Variants in MAGI2 observed in about 807,000 individuals in gnomAD.
MAGI2 encodes membrane-associated guanylate kinase, WW and PDZ domain-containing protein 2.
A neutral mutation model predicts 133.3 loss-of-function variants in MAGI2; 35 were observed. That is an observed-to-expected ratio of 0.26 (90% confidence interval 0.20 to 0.35). MAGI2 has a LOEUF of 0.35. Ranked by LOEUF, MAGI2 falls within the 10% of genes least tolerant of loss-of-function variation. The probability of loss-of-function intolerance (pLI) is 1.00; values close to 1 mark genes in which losing one functional copy is unlikely to be tolerated. For missense variants in MAGI2, 1,636 were observed against 1,863.4 expected (o/e 0.88, Z 2.25); for synonymous variants, 729 against 710.6 (o/e 1.03, Z -0.41).
intron 2 of MAGI2, among the ~76,000 whole-genome samples, chr7:78,778,860 T>C (rs926013561): frequency 2.6e-5 from 4 of 151,552 alleles, no homozygotes; most frequent in African/African-American, 9.7e-5. Flanking sequence ...GCACAGAATC[T>C]AGCATATAAT....
chr7:79,021,867 G>A (rs1809362967), intron 1 of MAGI2, among the ~76,000 whole-genome samples: 1 of 152,134 alleles, frequency 6.6e-6, no homozygotes, highest in African/African-American at 2.4e-5. Flanking sequence ...ATCTCATCTT[G>A]AATTGTAAGA....
intron 1 of MAGI2, among the ~76,000 whole-genome samples, chr7:79,243,690 T>G (rs939653610): frequency 2.0e-5 from 3 of 152,240 alleles, no homozygotes; most frequent in Non-Finnish European, 4.4e-5. Context: ...CTGCTGATTT[T>G]GAAATATTTT....
At chr7:79,031,122 C>T (rs948179500) in intron 1 of MAGI2, among the ~76,000 whole-genome samples, 3 of 152,190 alleles carry the variant, frequency 2.0e-5, no homozygotes, top group Non-Finnish European at 4.4e-5. Flanking sequence ...ATCCCTTACT[C>T]TTGTTATCAT....
At position 79,449,962 on chromosome 7, in the gene MAGI2, A is replaced by G. The variant is rs1586028697; in HGVS notation, c.301+3058T>C. 2.0e-5 allele frequency among the ~76,000 whole-genome samples: 3 copies of G among 150,168 alleles called. No homozygotes were observed. In the South Asian group the frequency reaches 6.3e-4, roughly 31 times the overall value. ...CCTTTTAAAATTATGACAGATGAAAATTATGATAACTGTAATGTAAAATTA... is the reference window on the plus strand; with the variant it reads ...CCTTTTAAAATTATGACAGATGAAAGTTATGATAACTGTAATGTAAAATTA... On this transcript the variant is annotated intron_variant, in intron 1 of 21. Transcript: ENST00000354212.
intron 2 of MAGI2, among the ~76,000 whole-genome samples, chr7:78,987,238 A>G (rs1805352398): frequency 6.6e-6 from 1 of 152,058 alleles, no homozygotes; most frequent in African/African-American, 2.4e-5. Flanking sequence ...TGAGACTCAT[A>G]TTAATGAGTT....
chr7:78,202,682 CA>C (rs59358280), intron 10 of MAGI2, among the ~76,000 whole-genome samples: 4,877 of 70,246 alleles, frequency 0.069, 63 homozygotes, highest in Non-Finnish European at 0.085. Context: ...GACTCTGTCT[CA>C]AAAAAAAAAA....
chr7:78,953,947 G>A (rs1168894098), intron 2 of MAGI2, among the ~76,000 whole-genome samples: 1 of 152,110 alleles, frequency 6.6e-6, no homozygotes, highest in Non-Finnish European at 1.5e-5. Context: ...TCATAGTGTT[G>A]AGGGGCTATG....
At chr7:79,443,892 G>A (rs1261876078) in intron 1 of MAGI2, among the ~76,000 whole-genome samples, 1 of 152,100 alleles carries the variant, frequency 6.6e-6, no homozygotes, top group East Asian at 1.9e-4. Context: ...ATTTCACAGA[G>A]TCACTTAATA....
intron 2 of MAGI2, among the ~76,000 whole-genome samples, chr7:78,857,598 G>A (rs1317149574): frequency 6.6e-6 from 1 of 152,186 alleles, no homozygotes; most frequent in East Asian, 1.9e-4. Context: ...TCCCAGGGAT[G>A]AAGCCCACTT....
intron 2 of MAGI2, among the ~76,000 whole-genome samples, chr7:78,945,864 C>T (rs561129721): frequency 1.8e-4 from 27 of 152,262 alleles, no homozygotes; most frequent in South Asian, 4.1e-4. Flanking sequence ...ACTTCATCTT[C>T]GGGATCTTCC....
chr7:79,352,722 T>A (rs940465022), intron 1 of MAGI2, among the ~76,000 whole-genome samples: 4 of 152,120 alleles, frequency 2.6e-5, no homozygotes, highest in Admixed American at 6.5e-5. Context: ...GACAACCTCA[T>A]CCCAACAGAT....
intron 1 of MAGI2, among the ~76,000 whole-genome samples, chr7:79,256,695 G>T (rs1422496643): frequency 2.0e-5 from 3 of 151,802 alleles, no homozygotes; most frequent in Admixed American, 6.6e-5. Context: ...TCGCCGTGCT[G>T]CCTAAGGCTA....
intron 2 of MAGI2, among the ~76,000 whole-genome samples, chr7:78,687,969 T>TAAAAA (rs72030909): frequency 1.2e-3 from 84 of 67,218 alleles, no homozygotes; most frequent in Non-Finnish European, 1.5e-3. Flanking sequence ...GTCCTTGCCT[T>TAAAAA]AAAAAAAAAA....
chr7:78,575,356 A>C (rs1478152977), intron 3 of MAGI2, among the ~76,000 whole-genome samples: 4 of 152,198 alleles, frequency 2.6e-5, no homozygotes, highest in Non-Finnish European at 5.9e-5. Context: ...GAATGAATAA[A>C]TGAGGTAGAA....
chr7:79,144,780 C>T lies in MAGI2; in HGVS notation c.302-137574G>A, dbSNP rs114219552. On this transcript the variant is annotated intron_variant, in intron 1 of 21. Transcript: ENST00000354212. ...TTCCAAAGGTCAAATGTCAGTGCTCCAAAGAGAGAAGTTAAAACTTCACAG... is the reference window on the plus strand; with the variant it reads ...TTCCAAAGGTCAAATGTCAGTGCTCTAAAGAGAGAAGTTAAAACTTCACAG... Among the ~76,000 whole-genome samples, 543 of 152,228 alleles carry T rather than the reference C, an allele frequency of 3.6e-3. 3 individuals carry two copies. Among genetic ancestry groups the T allele is most frequent in the African/African-American group, 0.012 (519 of 41,558 alleles).
rs868062563 is a variant in MAGI2, at chr7:79,001,309, T to C, written c.418+5781A>G. 4.6e-5 allele frequency among the ~76,000 whole-genome samples: 7 copies of C among 152,326 alleles called. 1 individual carries two copies. In the Middle Eastern group the frequency reaches 0.01, roughly 222 times the overall value. ...CACTGGTATTTGTTCTGGCTTCAAATAAATTTTAAATATTTCCCAATAAAA... is the reference window on the plus strand; with the variant it reads ...CACTGGTATTTGTTCTGGCTTCAAACAAATTTTAAATATTTCCCAATAAAA... On this transcript the variant is annotated intron_variant, in intron 2 of 21. Coordinates refer to ENST00000354212, the MANE Select transcript of MAGI2 (RefSeq NM_012301.4).
At chr7:79,384,514 G>T (rs1844041754) in intron 1 of MAGI2, among the ~76,000 whole-genome samples, 1 of 151,502 alleles carries the variant, frequency 6.6e-6, no homozygotes, top group Non-Finnish European at 1.5e-5. Context: ...CTTTGAAAAT[G>T]TAAGCAATTT....
At position 78,256,313 on chromosome 7, in the gene MAGI2, T is replaced by G. The variant is rs781780171; in HGVS notation, c.1677A>C (p.Pro559=). 7.4e-6 allele frequency: 12 copies of G among 1,614,120 alleles called. No homozygotes were observed. The highest frequency in any genetic ancestry group is 1.0e-5 in the Non-Finnish European group (12 of 1,180,006). Residue 559 remains proline, a synonymous_variant, in exon 10 of 22, where the codon CCA becomes CCC. Coordinates refer to ENST00000354212, the MANE Select transcript of MAGI2 (RefSeq NM_012301.4). ...AATGAGGCGGCCGATCTGTTATATCTGGAACTGACTGTGAGGTCCGAGAAA... is the reference window on the plus strand; with the variant it reads ...AATGAGGCGGCCGATCTGTTATATCGGGAACTGACTGTGAGGTCCGAGAAA... ...EYISRTSQSV[P]DITDRPPHSL... is the part of the protein sequence containing the mutation.
chr7:79,128,118 A>G (rs531365877), intron 1 of MAGI2, among the ~76,000 whole-genome samples: 2 of 151,916 alleles, frequency 1.3e-5, no homozygotes, highest in Admixed American at 6.6e-5. Flanking sequence ...GTAGATATGC[A>G]GCATTATTTC....
Sources: gnomAD v4.1 joint callset for allele counts (sites outside exome capture counted in the v4.1 genomes callset) on GRCh38, gnomAD v4.1.1 for gene constraint, MANE v1.5 for transcripts, NCBI Gene and HGNC (gene_info 2026-07-23, HGNC 2026-07-21) for gene names.